APC2: variants seen among roughly 807,000 people sequenced by gnomAD.
The protein encoded by APC2 is APC regulator of Wnt signaling pathway 2.
APC2 carries 41 observed loss-of-function variants against 72.5 expected under a neutral mutation model. The ratio of observed to expected loss-of-function variants is 0.57; its 90% CI spans 0.44 to 0.73. APC2 has a LOEUF of 0.73. APC2 is among the 30% of genes least tolerant of loss of function. The probability of loss-of-function intolerance (pLI) is 0.00; values close to 1 mark genes in which losing one functional copy is unlikely to be tolerated. For missense variants in APC2, 3,729 were observed against 3,403.4 expected (o/e 1.10, Z -2.38); for synonymous variants, 1,898 against 1,612.0 (o/e 1.18, Z -4.25).
rs1364760588 is a variant in APC2 at position 1,467,911 on chromosome 19, T to A, written c.4610T>A (p.Phe1537Tyr). Residue 1537 changes from phenylalanine to tyrosine, a missense_variant, in exon 15 of 15, where the codon TTT becomes TAT. Phe to Tyr is a conservative substitution (Grantham distance 22). Transcript: ENST00000590469. ...HRRTSAIPRA[F>Y]TRERPQGRKE... is the part of the protein sequence containing the mutation. ...CGCACATCGGCCATCCCTCGCGCTT[T>A]TACGCGGGAGCGTCCGCAGGGCCGG... 1.9e-5 allele frequency: 30 copies of A among 1,583,820 alleles called. No homozygotes were observed. The highest frequency in any genetic ancestry group is 2.6e-5 in the Non-Finnish European group (30 of 1,173,484).
At chr19:1,458,136 C>A in intron 10 of APC2, 76 bp downstream of exon 10, 1 of 1,356,894 alleles carries the variant, frequency 7.4e-7, no homozygotes, top group Non-Finnish European at 1.0e-6. Flanking sequence ...GCTAAAGGGA[C>A]ACAGGCTGGG....
Position 1,453,448 on chromosome 19 carries a change from A to G in APC2, c.250A>G (p.Thr84Ala). 1 of 1,601,306 alleles carries G rather than the reference A, an allele frequency of 6.2e-7. No individual in the cohort carries two copies. The highest frequency in any genetic ancestry group is 8.5e-7 in the Non-Finnish European group (1 of 1,172,250). ...EQLKALQMDI[T>A]SLYNLKFQPP... is the part of the protein sequence containing the mutation. ...CCATCCAGCCCTACAGATGGACATC[A>G]CCAGCCTGTACAACCTCAAGTTCCA... The change falls in exon 4 of 15, where the codon ACC (threonine) becomes GCC (alanine). Residue 84 changes from threonine (T) to alanine (A), a missense_variant. Thr to Ala is a moderately conservative substitution (Grantham distance 58). Transcript: ENST00000590469.
In APC2 at chr19:1,465,147, G is replaced by C; in HGVS notation, c.1854-8G>C. On this transcript the variant is annotated splice_region_variant and splice_polypyrimidine_tract_variant and intron_variant, in intron 14 of 14. Transcript: ENST00000590469. Reference sequence around the variant, plus strand: ...GGTGGCCCAGGCTAACCCGCCCTGTGCCTACAGGCAGGTGCTCCGGGATCA... The same window carrying C: ...GGTGGCCCAGGCTAACCCGCCCTGTCCCTACAGGCAGGTGCTCCGGGATCA... 6.3e-7 allele frequency: 1 copy of C among 1,593,448 alleles called. No individual in the cohort carries two copies.
At position 1,468,753 on chromosome 19, in the gene APC2, G is replaced by T. The variant is rs1025456001; in HGVS notation, c.5452G>T (p.Val1818Leu). 2.7e-6 allele frequency: 4 copies of T among 1,499,636 alleles called. No individual in the cohort carries two copies. The Admixed American group carries it at 6.7e-5, about 25-fold the overall frequency. The allele number at this position is 1,499,636 out of a possible 1,614,324, so 92.9% of individuals were successfully genotyped here. ...CGGCCCCCGCGCCACACCGCGGAAG[G>T]TGGCGCCCCCTTGCCTGGCACAGCC... ...TPGPRATPRK[V>L]APPCLAQPAA... Residue 1818 changes from valine (V) to leucine (L), a missense_variant, in exon 15 of 15, where the codon GTG becomes TTG. Physicochemically the swap from Val to Leu is conservative, Grantham distance 32. Coordinates refer to ENST00000590469, the MANE Select transcript of APC2 (RefSeq NM_005883.3).
intron 10 of APC2, among the ~76,000 whole-genome samples, chr19:1,459,134 T>C (rs1006209680): frequency 3.9e-5 from 6 of 152,196 alleles, no homozygotes; most frequent in African/African-American, 1.4e-4. Context: ...ATTTGTCATT[T>C]TATGCCTGGC....
chr19:1,456,213 C>T lies in APC2; in HGVS notation c.717+60C>T, dbSNP rs111650284. ...GTGTCGGCCCAGGCAGAACGGGGCTCCTCGAGTTCTGCCCGCCCCCGCCCA... is the reference window on the plus strand; with the variant it reads ...GTGTCGGCCCAGGCAGAACGGGGCTTCTCGAGTTCTGCCCGCCCCCGCCCA... On this transcript the variant is annotated intron_variant, in intron 7 of 14. Transcript: ENST00000590469. The T allele has an allele frequency of 3.6e-3, 5,642 of 1,548,942 alleles. 103 individuals are homozygous for T. In the African/African-American group the frequency reaches 0.042, roughly 11 times the overall value.
At chr19:1,459,821 T>G (rs2083895345) in intron 10 of APC2, among the ~76,000 whole-genome samples, 1 of 152,014 alleles carries the variant, frequency 6.6e-6, no homozygotes, top group Admixed American at 6.6e-5. Flanking sequence ...TTGGGGTGTA[T>G]TATTAGAGGA....
chr19:1,455,280 G>A, intron 5 of APC2, 23 bp downstream of exon 5: 1 of 1,566,886 alleles, frequency 6.4e-7, no homozygotes, highest in Non-Finnish European at 8.6e-7. Flanking sequence ...GGGAGCCAGG[G>A]GGCAGCGCGC....
Position 1,468,733 on chromosome 19 carries a change from C to G in APC2, c.5432C>G (p.Pro1811Arg). The G allele has an allele frequency of 6.6e-7, 1 of 1,504,458 alleles. No homozygotes were observed. Among genetic ancestry groups the G allele is most frequent in the Non-Finnish European group, 8.9e-7 (1 of 1,123,024 alleles). 93.2% of individuals were successfully genotyped at this position (1,504,458 alleles called of 1,614,324 possible). ...GCCCAGCCCAAAGGGACCCCCGGCC[C>G]CCGCGCCACACCGCGGAAGGTGGCG... Reference protein sequence around the residue: ...PRAQPKGTPGPRATPRKVAPP... With the variant: ...PRAQPKGTPGRRATPRKVAPP... The change falls in exon 15 of 15, where the codon CCC (proline) becomes CGC (arginine). Residue 1811 changes from proline (P) to arginine (R), a missense_variant. Transcript: ENST00000590469.
intron 4 of APC2, 151 bp downstream of exon 4, chr19:1,453,762 C>G: frequency 8.9e-7 from 1 of 1,117,618 alleles, no homozygotes; most frequent in Non-Finnish European, 1.2e-6. Flanking sequence ...CCGAACAACC[C>G]CGCCCACCTC....
At position 1,470,374 on chromosome 19, in the gene APC2, C is replaced by A; in HGVS notation, c.*161C>A. The A allele has an allele frequency of 9.4e-7, 1 of 1,065,178 alleles. No individual in the cohort carries two copies. The highest frequency in any genetic ancestry group is 1.3e-6 in the Non-Finnish European group (1 of 779,604). The allele number at this position is 1,065,178 out of a possible 1,614,324, so 66.0% of individuals were successfully genotyped here. A position where few individuals can be genotyped will look rare whatever the true frequency, so the allele number is the denominator to read the frequency against. On this transcript the variant is annotated 3_prime_UTR_variant, in exon 15 of 15. Transcript: ENST00000590469. Reference sequence around the variant, plus strand: ...ACCCCCGCCCAGCGCACGGCGACCTCGCGCCTCACCGGAAGACCTTGCCTC... The same window carrying A: ...ACCCCCGCCCAGCGCACGGCGACCTAGCGCCTCACCGGAAGACCTTGCCTC...
intron 11 of APC2, 84 bp downstream of exon 11, chr19:1,460,404 G>A (rs758990068): frequency 2.7e-5 from 43 of 1,583,396 alleles, no homozygotes; most frequent in Non-Finnish European, 2.8e-5. Flanking sequence ...TCCCAGCCTC[G>A]AAACAGCCCT....
Position 1,468,175 on chromosome 19 carries a change from C to G in APC2, c.4874C>G (p.Ala1625Gly). 6.9e-7 allele frequency: 1 copy of G among 1,452,512 alleles called. No homozygotes were observed. The highest frequency in any genetic ancestry group is 9.0e-7 in the Non-Finnish European group (1 of 1,111,596). 90.0% of individuals were successfully genotyped at this position (1,452,512 alleles called of 1,614,324 possible). A position where few individuals can be genotyped will look rare whatever the true frequency, so the allele number is the denominator to read the frequency against. The change falls in exon 15 of 15, where the codon GCG becomes GGG. Residue 1625 changes from alanine to glycine, a missense_variant. Ala to Gly is a moderately conservative substitution (Grantham distance 60). Coordinates refer to ENST00000590469, the MANE Select transcript of APC2 (RefSeq NM_005883.3). Reference sequence around the variant, plus strand: ...GACAGCTCGCCCAGCCCGCGGGCCGCGGAGGAGCTTCTGCAGCGGTGCATC... The same window carrying G: ...GACAGCTCGCCCAGCCCGCGGGCCGGGGAGGAGCTTCTGCAGCGGTGCATC... Reference protein sequence around the residue: ...GRDSSPSPRAAEELLQRCISS... With the variant: ...GRDSSPSPRAGEELLQRCISS...
At position 1,460,906 on chromosome 19, in the gene APC2, A is replaced by G. The variant is rs1204026839; in HGVS notation, c.1521+49A>G. 2.5e-6 allele frequency: 4 copies of G among 1,604,812 alleles called. No homozygotes were observed. The Admixed American group carries it at 5.0e-5, about 20-fold the overall frequency. On this transcript the variant is annotated intron_variant, in intron 12 of 14. Coordinates refer to ENST00000590469, the MANE Select transcript of APC2 (RefSeq NM_005883.3). The stretch of plus-strand genomic sequence containing the variant: ...GCCTTCCAGGGTGTCCCTGATAGGC[A>G]GAGGCCCCTCCCCAGCGGTGTGGTG...
At position 1,461,102 on chromosome 19, in the gene APC2, G is replaced by A. The variant is rs2083915439; in HGVS notation, c.1587G>A (p.Arg529=). The A allele has an allele frequency of 6.2e-7, 1 of 1,613,300 alleles. No homozygotes were observed. The part of the protein sequence containing the change: ...RADINSKKVL[R]EAGSVTALVQ... ...ACATCAACAGCAAGAAGGTGCTGAGGGAGGCGGGCAGCGTGACTGCCCTGG... is the reference window on the plus strand; with the variant it reads ...ACATCAACAGCAAGAAGGTGCTGAGAGAGGCGGGCAGCGTGACTGCCCTGG... The change falls in exon 13 of 15, where the codon AGG becomes AGA. Residue 529 remains arginine, a synonymous_variant. Coordinates refer to ENST00000590469, the MANE Select transcript of APC2 (RefSeq NM_005883.3).
intron 9 of APC2, 162 bp downstream of exon 9, chr19:1,457,405 G>A (rs1002698280): frequency 2.7e-5 from 28 of 1,042,070 alleles, no homozygotes; most frequent in Non-Finnish European, 3.4e-5. Flanking sequence ...TTTGACGTTG[G>A]GAAAAGACCC....
chr19:1,452,915 G>C lies in APC2; in HGVS notation c.-18-69G>C, dbSNP rs926763485. ...ACGGCTGGGGCTTAGGTCAGGGGCC[G>C]TCTGTCCGGAAGGCATCACCGCGCC... On this transcript the variant is annotated intron_variant, in intron 1 of 14. Transcript: ENST00000590469. The surrounding 1 kb of genome is among the most constrained non-coding windows in gnomAD (Gnocchi z 5.1). 6 of 1,531,418 alleles carry C rather than the reference G, an allele frequency of 3.9e-6. No individual in the cohort carries two copies. The highest frequency in any genetic ancestry group is 1.2e-5 in the South Asian group (1 of 80,006). The allele number at this position is 1,531,418 out of a possible 1,614,324, so 94.9% of individuals were successfully genotyped here.
Position 1,453,064 on chromosome 19 carries a change from G to A in APC2, c.63G>A (p.Glu21=), listed in dbSNP as rs747551361. Residue 21 remains glutamate (E), a synonymous_variant, in exon 2 of 15, where the codon GAG becomes GAA. Coordinates refer to ENST00000590469, the MANE Select transcript of APC2 (RefSeq NM_005883.3). ...GGCAGGTGGAGGCCTTGAAGGCTGA[G>A]AACAGCCACCTGAGGCAGGAGCTAA... The part of the protein sequence containing the change: ...LVRQVEALKA[E]NSHLRQELRD... 6.2e-7 allele frequency: 1 copy of A among 1,610,796 alleles called. No individual in the cohort carries two copies. Among genetic ancestry groups the A allele is most frequent in the South Asian group, 1.1e-5 (1 of 90,744 alleles).
At position 1,457,034 on chromosome 19, in the gene APC2, G is replaced by C. The variant is rs766601241; in HGVS notation, c.998G>C (p.Gly333Ala). ...GAGGCCGCGGCCGGGGGTCGCGCCG[G>C]GGCCCCAGGGGCACCGGGCGCCAAG... The part of the protein sequence containing the change: ...GTEAAAGGRA[G>A]APGAPGAKDA... Residue 333 changes from glycine (G) to alanine (A), a missense_variant, in exon 9 of 15, where the codon GGG becomes GCG. Transcript: ENST00000590469. 73 of 1,520,592 alleles carry C rather than the reference G, an allele frequency of 4.8e-5. No homozygotes were observed. The highest frequency in any genetic ancestry group is 5.5e-5 in the Non-Finnish European group (63 of 1,142,330). 94.2% of individuals were successfully genotyped at this position (1,520,592 alleles called of 1,614,324 possible).
Sources: allele counts gnomAD v4.1 joint callset (sites outside exome capture counted in the v4.1 genomes callset), GRCh38; gene constraint gnomAD v4.1.1; non-coding constraint Gnocchi (gnomAD v3.1); transcripts MANE v1.5; gene names NCBI Gene and HGNC (gene_info 2026-07-23, HGNC 2026-07-21).